The following NUP133 variants were observed in gnomAD, a reference collection of about 807,000 sequenced individuals.
The protein encoded by NUP133 is nuclear pore complex protein Nup133.
NUP133 carries 66 observed loss-of-function variants against 146.2 expected under a neutral mutation model. The observed-to-expected ratio is 0.45, with a 90% confidence interval of 0.37 to 0.55. The LOEUF is 0.55. NUP133 is among the 20% of genes least tolerant of loss of function. The pLI is 0.00. For missense variants in NUP133, 1,277 were observed against 1,374.8 expected, an observed-to-expected ratio of 0.93 and a Z score of 1.12; for synonymous variants, 521 against 498.8, an observed-to-expected ratio of 1.04 and a Z score of -0.59.
intron 22 of NUP133, among the ~76,000 whole-genome samples, chr1:229,451,321 C>CT (rs879285343): frequency 6.6e-6 from 1 of 152,030 alleles, no homozygotes; most frequent in African/African-American, 2.4e-5. Flanking sequence ...GTCACCTGAG[C>CT]TTGGGAGGTC....
Position 229,470,652 on chromosome 1 carries a change from T to A in NUP133, c.2004A>T (p.Ile668=), listed in dbSNP as rs1373822943. ...ACTCCCTCTTGTTCAAAGCAATCAA[T>A]ATGGCTGTGTTGACAAGGTCAGAAA... is the stretch of plus-strand genomic sequence containing the variant. ...SRLSDLVNTA[I]LIALNKREYE... The change falls in exon 15 of 26, where the codon ATA becomes ATT. Residue 668 remains isoleucine (I), a synonymous_variant. Transcript: ENST00000261396. The A allele has an allele frequency of 6.2e-7, 1 of 1,614,126 alleles. No homozygotes were observed.
chr1:229,448,353 G>C (rs1013892464), intron 24 of NUP133, among the ~76,000 whole-genome samples: 1 of 152,026 alleles, frequency 6.6e-6, no homozygotes, highest in Non-Finnish European at 1.5e-5. Context: ...GCTTGAACCC[G>C]GGAGGCAGAG....
intron 19 of NUP133, among the ~76,000 whole-genome samples, chr1:229,461,479 G>C (rs766206159): frequency 1.7e-4 from 26 of 152,188 alleles, no homozygotes; most frequent in Non-Finnish European, 2.6e-4. Context: ...ACCGAGTCCT[G>C]GGCCACCTCT....
intron 5 of NUP133, chr1:229,499,046 A>G (rs1440237441): frequency 2.8e-5 from 11 of 387,746 alleles, no homozygotes; most frequent in Non-Finnish European, 2.1e-5. Flanking sequence ...CTACAGGCAC[A>G]CACCACTATG....
chr1:229,452,159 T>A (rs1199062265), intron 22 of NUP133, among the ~76,000 whole-genome samples: 1 of 152,214 alleles, frequency 6.6e-6, no homozygotes, highest in Non-Finnish European at 1.5e-5. Context: ...CTAGACCATG[T>A]AAACTGAGTT....
chr1:229,491,842 G>A (rs1347557822), intron 8 of NUP133, among the ~76,000 whole-genome samples: 1 of 152,132 alleles, frequency 6.6e-6, no homozygotes, highest in Non-Finnish European at 1.5e-5. Context: ...CTTTGGGAGA[G>A]GCTGAAGCAG....
At chr1:229,449,041 T>C in intron 24 of NUP133, 85 bp downstream of exon 24, 1 of 1,016,572 alleles carries the variant, frequency 9.8e-7, no homozygotes, top group Non-Finnish European at 1.5e-6. Context: ...GTCACAGAAG[T>C]CTTCTGTTAT....
At chr1:229,474,340 T>C (rs1425074050) in intron 14 of NUP133, among the ~76,000 whole-genome samples, 2 of 152,336 alleles carry the variant, frequency 1.3e-5, no homozygotes, top group South Asian at 4.1e-4. Flanking sequence ...CTGATACACT[T>C]GGCTAATTAA....
chr1:229,484,119 C>T lies in NUP133; in HGVS notation c.1527G>A (p.Lys509=). The T allele has an allele frequency of 6.2e-7, 1 of 1,613,252 alleles. No individual in the cohort carries two copies. The highest frequency in any genetic ancestry group is 8.5e-7 in the Non-Finnish European group (1 of 1,179,500). ...TATCTTCCTGGGCTATAGTTTCATT[C>T]TTTGTAGTGGTCTCAAAAATCATAC... ...SESMIFETTT[K]NETIAQEDKI... Residue 509 remains lysine (K), a synonymous_variant, in exon 12 of 26, where the codon AAG becomes AAA. Transcript: ENST00000261396.
intron 9 of NUP133, among the ~76,000 whole-genome samples, chr1:229,487,914 G>A (rs1661403412): frequency 6.8e-6 from 1 of 147,890 alleles, no homozygotes; most frequent in African/African-American, 2.5e-5. Flanking sequence ...TGCAATCTTG[G>A]CTCTCTGCAA....
intron 12 of NUP133, among the ~76,000 whole-genome samples, chr1:229,482,047 T>C (rs1377781503): frequency 6.6e-6 from 1 of 152,240 alleles, no homozygotes; most frequent in Non-Finnish European, 1.5e-5. Flanking sequence ...AATTACAGGA[T>C]AAACTTGTGA....
intron 9 of NUP133, 46 bp from the exon 10 acceptor site, chr1:229,487,659 A>G: frequency 7.2e-7 from 1 of 1,380,566 alleles, no homozygotes; most frequent in Non-Finnish European, 1.0e-6. Flanking sequence ...GTAAAACAAA[A>G]ATATTTGTAT....
chr1:229,485,358 G>C (rs1661322511), intron 11 of NUP133, among the ~76,000 whole-genome samples: 1 of 152,192 alleles, frequency 6.6e-6, no homozygotes, highest in Non-Finnish European at 1.5e-5. Flanking sequence ...CAGATGGAAG[G>C]TTTCTGGAGA....
rs762714822 is a variant in NUP133, at chr1:229,452,682, T to C, written c.2981-39A>G. Reference sequence around the variant, plus strand: ...TGAGAGGGAGGGAAAGAGAATATGATGAAATTTGACTTTTGCTCTCATTTT... The same window carrying C: ...TGAGAGGGAGGGAAAGAGAATATGACGAAATTTGACTTTTGCTCTCATTTT... On this transcript the variant is annotated intron_variant, in intron 21 of 25. Transcript: ENST00000261396. The C allele has an allele frequency of 8.7e-6, 13 of 1,490,526 alleles. No individual in the cohort carries two copies. The African/African-American group carries it at 1.1e-4, about 13-fold the overall frequency. The allele number at this position is 1,490,526 out of a possible 1,614,324, so 92.3% of individuals were successfully genotyped here. A position where few individuals can be genotyped will look rare whatever the true frequency, so the allele number is the denominator to read the frequency against.
At position 229,452,450 on chromosome 1, in the gene NUP133, A is replaced by G; in HGVS notation, c.3099+75T>C. ...AGAACAATAACTCCTCTTAGGAACT[A>G]TACTACATGGCCCAACAAACACCAA... On this transcript the variant is annotated intron_variant, in intron 22 of 25. Transcript: ENST00000261396. The G allele has an allele frequency of 1.2e-5, 14 of 1,149,108 alleles. No individual in the cohort carries two copies. The South Asian group carries it at 2.1e-4, about 17-fold the overall frequency. The allele number at this position is 1,149,108 out of a possible 1,614,324, so 71.2% of individuals were successfully genotyped here.
intron 11 of NUP133, among the ~76,000 whole-genome samples, chr1:229,485,471 G>A (rs542479968): frequency 7.9e-5 from 12 of 152,234 alleles, no homozygotes; most frequent in African/African-American, 2.6e-4. Flanking sequence ...AATACAAAAC[G>A]AGGTCATTAT....
chr1:229,502,351 A>G (rs1661822578), intron 2 of NUP133, among the ~76,000 whole-genome samples: 1 of 152,008 alleles, frequency 6.6e-6, no homozygotes, highest in Non-Finnish European at 1.5e-5. Context: ...CGAGGTCAGG[A>G]GATCGAGACC....
At chr1:229,468,812 T>G (rs1337017183) in intron 15 of NUP133, among the ~76,000 whole-genome samples, 1 of 152,218 alleles carries the variant, frequency 6.6e-6, no homozygotes, top group Non-Finnish European at 1.5e-5. Flanking sequence ...CTTGATTTGT[T>G]AGATCATGAA....
chr1:229,504,212 C>T (rs188553630), intron 2 of NUP133, among the ~76,000 whole-genome samples: 10 of 152,074 alleles, frequency 6.6e-5, no homozygotes, highest in South Asian at 2.1e-4. Flanking sequence ...TTTTACATCA[C>T]GATACACCCA....
Sources: allele counts gnomAD v4.1 joint callset (sites outside exome capture counted in the v4.1 genomes callset), GRCh38; gene constraint gnomAD v4.1.1; transcripts MANE v1.5; gene names NCBI Gene and HGNC (gene_info 2026-07-23, HGNC 2026-07-21).